Variants in FRZB observed in about 807,000 individuals in gnomAD.
FRZB encodes the protein frizzled related protein, also known as secreted frizzled-related protein 3.
FRZB carries 34 observed loss-of-function variants against 32.5 expected under a neutral mutation model. The observed-to-expected ratio is 1.05, with a 90% CI of 0.80 to 1.39. FRZB has a LOEUF of 1.39. FRZB is among the 40% of genes most tolerant of loss of function. FRZB has a pLI of 0.00. For missense variants in FRZB, 423 were observed against 424.8 expected, an observed-to-expected ratio of 1.00 and a Z score of 0.04; for synonymous variants, 170 against 159.2, an observed-to-expected ratio of 1.07 and a Z score of -0.51.
intron 1 of FRZB, among the ~76,000 whole-genome samples, chr2:182,860,737 T>C (rs1028509053): frequency 2.6e-5 from 4 of 151,836 alleles, no homozygotes; most frequent in African/African-American, 9.7e-5. Context: ...CGTGGTGGCA[T>C]GCACCTGTAG....
At chr2:182,848,268 A>G (rs940567824) in intron 2 of FRZB, among the ~76,000 whole-genome samples, 2 of 152,174 alleles carry the variant, frequency 1.3e-5, no homozygotes, top group African/African-American at 4.8e-5. Flanking sequence ...TAAAGTGAAG[A>G]AATCAGTGCA....
At chr2:182,865,909 T>C (rs1205366374) in intron 1 of FRZB, among the ~76,000 whole-genome samples, 166 bp downstream of exon 1, 1 of 152,052 alleles carries the variant, frequency 6.6e-6, no homozygotes, top group African/African-American at 2.4e-5. Flanking sequence ...GTTTTTGTTT[T>C]TGAAAAAAGA....
chr2:182,853,841 G>A (rs1695736274), intron 2 of FRZB, among the ~76,000 whole-genome samples: 1 of 152,110 alleles, frequency 6.6e-6, no homozygotes, highest in South Asian at 2.1e-4. Context: ...GGAATATATG[G>A]TACTCATCGC....
chr2:182,835,385 A>G (rs1695512438), intron 5 of FRZB, among the ~76,000 whole-genome samples: 2 of 152,018 alleles, frequency 1.3e-5, no homozygotes, highest in Admixed American at 1.3e-4. Flanking sequence ...ACATAAGAAC[A>G]TAGCCTTTTA....
At chr2:182,835,447 T>TGG (rs140578593) in intron 5 of FRZB, among the ~76,000 whole-genome samples, 5 of 151,626 alleles carry the variant, frequency 3.3e-5, no homozygotes, top group South Asian at 2.1e-4. Context: ...TTTTGAGGGA[T>TGG]GGGGGGGTCT....
chr2:182,843,476 T>C (rs1695606838), intron 2 of FRZB, among the ~76,000 whole-genome samples: 1 of 152,194 alleles, frequency 6.6e-6, no homozygotes, highest in South Asian at 2.1e-4. Flanking sequence ...TATCTTAAAA[T>C]ATTTAATTAT....
At chr2:182,843,279 A>G (rs1695605102) in intron 2 of FRZB, among the ~76,000 whole-genome samples, 1 of 152,194 alleles carries the variant, frequency 6.6e-6, no homozygotes, top group African/African-American at 2.4e-5. Flanking sequence ...CATAATAATA[A>G]CAATTCTAAT....
intron 1 of FRZB, among the ~76,000 whole-genome samples, chr2:182,865,696 T>C (rs1695882181): frequency 6.6e-6 from 1 of 152,110 alleles, no homozygotes; most frequent in South Asian, 2.1e-4. Flanking sequence ...GAAAACCCAA[T>C]GATTATAAAC....
rs1463608054 is a variant in FRZB, at chr2:182,866,083, TC to T, written c.469del (p.Asp157ThrfsTer50). 2 of 1,608,654 alleles carry T rather than the reference TC, an allele frequency of 1.2e-6. No homozygotes were observed. Among genetic ancestry groups the T allele is most frequent in the Non-Finnish European group, 1.7e-6 (2 of 1,176,122 alleles). On this transcript the variant is annotated frameshift_variant, in exon 1 of 6. Coordinates refer to ENST00000295113, the MANE Select transcript of FRZB (RefSeq NM_001463.4). LOFTEE classifies it high-confidence loss of function. The surrounding 1 kb of genome is among the most constrained non-coding windows in gnomAD (Gnocchi z 4.5). Reference sequence around the variant, plus strand: ...GCCGTGTCAAAACTCACCAGCTCCGTCCGCAGTAACGATGGCCTCGGGAGAG... The same window carrying T: ...GCCGTGTCAAAACTCACCAGCTCCGTCGCAGTAACGATGGCCTCGGGAGAG... ...CISPEAIVTA[D>X]GADFPMDSSN...
chr2:182,834,597 G>C lies in FRZB; in HGVS notation c.*252C>G, dbSNP rs1695502991. On this transcript the variant is annotated 3_prime_UTR_variant, in exon 6 of 6. Transcript: ENST00000295113. ...AATTTATTATTATTGCAAAAGAACAGTTTTTCTCATGATTAGTGAAATAGA... is the reference window on the plus strand; with the variant it reads ...AATTTATTATTATTGCAAAAGAACACTTTTTCTCATGATTAGTGAAATAGA... The C allele has an allele frequency of 2.2e-6, 1 of 456,926 alleles. No individual in the cohort carries two copies. Among genetic ancestry groups the C allele is most frequent in the African/African-American group, 1.9e-5 (1 of 51,320 alleles). The allele number at this position is 456,926 out of a possible 1,614,324, so 28.3% of individuals were successfully genotyped here.
At chr2:182,860,597 G>A (rs1156383749) in intron 1 of FRZB, among the ~76,000 whole-genome samples, 1 of 152,066 alleles carries the variant, frequency 6.6e-6, no homozygotes, top group Non-Finnish European at 1.5e-5. Context: ...AGCCAGGTAT[G>A]GTGACTCACA....
At position 182,846,513 on chromosome 2, in the gene FRZB, T is replaced by C. The variant is rs894827104; in HGVS notation, c.527-3970A>G. ...TGGGGAAGGAGAGAAGAAAATACAA[T>C]TGTATTTGTGTTACAATCTCCTTTA... On this transcript the variant is annotated intron_variant, in intron 2 of 5. Coordinates refer to ENST00000295113, the MANE Select transcript of FRZB (RefSeq NM_001463.4). 3.3e-5 allele frequency among the ~76,000 whole-genome samples: 5 copies of C among 152,316 alleles called. No individual in the cohort carries two copies. In the East Asian group the frequency reaches 9.6e-4, roughly 29 times the overall value.
chr2:182,842,533 T>A lies in FRZB; in HGVS notation c.537A>T (p.Lys179Asn). The A allele has an allele frequency of 6.2e-7, 1 of 1,611,814 alleles. No individual in the cohort carries two copies. The highest frequency in any genetic ancestry group is 1.1e-5 in the South Asian group (1 of 90,946). The stretch of plus-strand genomic sequence containing the variant: ...TCTGTGTAGCTCTAATAGGCTTACA[T>A]TTACAGCGTTCTGAAAAACACATTT... Reference protein sequence around the residue: ...NCRGASSERCKCKPIRATQKT... With the variant: ...NCRGASSERCNCKPIRATQKT... The change falls in exon 3 of 6, where the codon AAA becomes AAT. Residue 179 changes from lysine to asparagine, a missense_variant. Physicochemically the swap from Lys to Asn is moderately conservative, Grantham distance 94. Transcript: ENST00000295113.
At chr2:182,845,239 G>C (rs1318111450) in intron 2 of FRZB, among the ~76,000 whole-genome samples, 1 of 152,302 alleles carries the variant, frequency 6.6e-6, no homozygotes, top group Middle Eastern at 3.4e-3. Flanking sequence ...AAGAATCAGA[G>C]AGAGGTATGT....
rs185490352 is a variant in FRZB at position 182,838,416 on chromosome 2, G to A, written c.790C>T (p.Arg264Cys). Reference protein sequence around the residue: ...YIIMGYEDEERSRLLLVEGSI... With the variant: ...YIIMGYEDEECSRLLLVEGSI... ...CCTTAAAGAGTGAATTACCTGGAACGTTCCTCATCTTCATAGCCCATGATG... is the reference window on the plus strand; with the variant it reads ...CCTTAAAGAGTGAATTACCTGGAACATTCCTCATCTTCATAGCCCATGATG... The change falls in exon 4 of 6, where the codon CGT (arginine) becomes TGT (cysteine). Residue 264 changes from arginine (R) to cysteine (C), a missense_variant. Physicochemically the swap from Arg to Cys is radical, Grantham distance 180 (BLOSUM62 -3). Transcript: ENST00000295113. 1.2e-4 allele frequency: 193 copies of A among 1,609,332 alleles called. 1 individual carries two copies. Among genetic ancestry groups the A allele is most frequent in the Middle Eastern group, 3.3e-4 (2 of 6,022 alleles).
At chr2:182,848,948 CG>C (rs1425637887) in intron 2 of FRZB, among the ~76,000 whole-genome samples, 9 of 152,082 alleles carry the variant, frequency 5.9e-5, no homozygotes, top group Non-Finnish European at 8.8e-5. Context: ...TTCTTTAGGC[CG>C]GGGTGCGGTG....
At chr2:182,838,149 T>A in intron 4 of FRZB, 138 bp from the exon 5 acceptor site, 1 of 732,438 alleles carries the variant, frequency 1.4e-6, no homozygotes, top group Non-Finnish European at 2.2e-6. Flanking sequence ...CAGTAATTAT[T>A]AACCATTTGT....
chr2:182,862,754 A>ATTTCT (rs1179905673), intron 1 of FRZB, among the ~76,000 whole-genome samples: 3 of 143,978 alleles, frequency 2.1e-5, no homozygotes, highest in East Asian at 2.0e-4. Context: ...ATGCTGTTTA[A>ATTTCT]TTTCTTTTCT....
At chr2:182,838,665 C>A (rs1175202476) in intron 3 of FRZB, 52 bp from the exon 4 acceptor site, 1 of 1,487,962 alleles carries the variant, frequency 6.7e-7, no homozygotes, top group Non-Finnish European at 9.3e-7. Flanking sequence ...TAATAGCTAC[C>A]CCATTCAAAA....
Sources: allele counts gnomAD v4.1 joint callset (sites outside exome capture counted in the v4.1 genomes callset), GRCh38; gene constraint gnomAD v4.1.1; non-coding constraint Gnocchi (gnomAD v3.1); transcripts MANE v1.5; gene names NCBI Gene and HGNC (gene_info 2026-07-23, HGNC 2026-07-21).